The following FOXP1 variants were observed in gnomAD, a reference collection of about 807,000 sequenced individuals.
FOXP1 encodes forkhead box P1.
A neutral mutation model predicts 98.2 loss-of-function variants in FOXP1; 15 were observed. The ratio of observed to expected loss-of-function variants is 0.15; its 90% CI spans 0.10 to 0.24. FOXP1 has a LOEUF of 0.24. Ranked by LOEUF, FOXP1 falls within the 10% of genes least tolerant of loss-of-function variation. FOXP1 has a pLI of 1.00. For synonymous variants in FOXP1, 371 were observed against 314.5 expected (o/e 1.18, Z -1.90); for missense variants, 633 against 848.5 (o/e 0.75, Z 3.15).
intron 4 of FOXP1, among the ~76,000 whole-genome samples, chr3:71,311,795 A>G (rs2074702617): frequency 6.6e-6 from 1 of 152,172 alleles, no homozygotes; most frequent in Non-Finnish European, 1.5e-5. Flanking sequence ...GTAGAAACTT[A>G]CCTTTTGGCC....
At chr3:70,985,856 G>A (rs922472781) in intron 14 of FOXP1, among the ~76,000 whole-genome samples, 6 of 151,994 alleles carry the variant, frequency 3.9e-5, no homozygotes, top group African/African-American at 1.5e-4. Context: ...GGTTTGACTT[G>A]GACTCTAAAT....
At chr3:71,550,184 G>T (rs2045668088) in intron 2 of FOXP1, among the ~76,000 whole-genome samples, 1 of 152,126 alleles carries the variant, frequency 6.6e-6, no homozygotes, top group South Asian at 2.1e-4. Context: ...GGGAGAGGAG[G>T]AAGCCTGTGG....
chr3:71,134,728 T>C (rs543094543), intron 6 of FOXP1, among the ~76,000 whole-genome samples: 233 of 152,264 alleles, frequency 1.5e-3, no homozygotes, highest in African/African-American at 5.3e-3. Flanking sequence ...ATGCTGTATA[T>C]TAACTTCTGA....
At chr3:71,177,560 C>T (rs529336497) in intron 6 of FOXP1, among the ~76,000 whole-genome samples, 1 of 152,264 alleles carries the variant, frequency 6.6e-6, no homozygotes, top group East Asian at 1.9e-4. Context: ...AGCTCAGGCT[C>T]TGGAGTCGGG....
At chr3:71,141,266 CAAA>C (rs71621921) in intron 6 of FOXP1, among the ~76,000 whole-genome samples, 1 of 71,836 alleles carries the variant, frequency 1.4e-5, no homozygotes, top group Non-Finnish European at 3.0e-5. Context: ...GACTCTGTCT[CAAA>C]AAAAAAAAAA....
At chr3:71,252,549 T>TA (rs57325032) in intron 5 of FOXP1, among the ~76,000 whole-genome samples, 18,076 of 133,652 alleles carry the variant, frequency 0.14, 1,306 homozygotes, top group East Asian at 0.41. Context: ...TCTTAGTCCT[T>TA]AGAGTATCCC....
chr3:71,080,161 T>TA (rs1411649720), intron 7 of FOXP1, among the ~76,000 whole-genome samples: 1 of 152,192 alleles, frequency 6.6e-6, no homozygotes, highest in Non-Finnish European at 1.5e-5. Flanking sequence ...ATTTCCAAAT[T>TA]AAAACCTGGC....
chr3:71,398,989 T>G (rs2081758220), intron 3 of FOXP1, among the ~76,000 whole-genome samples: 1 of 152,214 alleles, frequency 6.6e-6, no homozygotes, highest in South Asian at 2.1e-4. Flanking sequence ...AGCTATTTTA[T>G]TCCCCTATCT....
rs187794652 is a variant in FOXP1, at chr3:71,181,833, C to T, written c.180+16369G>A. On this transcript the variant is annotated intron_variant, in intron 6 of 20. Coordinates refer to ENST00000649528, the MANE Select transcript of FOXP1 (RefSeq NM_001349338.3). ...GGATGATGAGGTCAGGAGATCAAGACTATCCTGGCTAACATGGTGAAACCC... is the reference window on the plus strand; with the variant it reads ...GGATGATGAGGTCAGGAGATCAAGATTATCCTGGCTAACATGGTGAAACCC... Among the ~76,000 whole-genome samples the T allele has an allele frequency of 1.4e-3, 213 of 152,092 alleles. 3 individuals are homozygous for T. Among genetic ancestry groups the T allele is most frequent in the Middle Eastern group, 6.8e-3 (2 of 294 alleles).
intron 4 of FOXP1, among the ~76,000 whole-genome samples, chr3:71,344,450 A>G (rs1264618141): frequency 6.6e-6 from 1 of 152,220 alleles, no homozygotes; most frequent in East Asian, 1.9e-4. Context: ...ACGACAAATA[A>G]TATGTCCACT....
At chr3:70,978,959 T>TA (rs1180297193) in intron 14 of FOXP1, among the ~76,000 whole-genome samples, 1 of 152,114 alleles carries the variant, frequency 6.6e-6, no homozygotes, top group African/African-American at 2.4e-5. Context: ...GAATATTACT[T>TA]ATTTGAAGTA....
chr3:71,173,964 G>A lies in FOXP1; in HGVS notation c.180+24238C>T, dbSNP rs894859014. 5.3e-5 allele frequency among the ~76,000 whole-genome samples: 8 copies of A among 152,154 alleles called. No individual in the cohort carries two copies. In the East Asian group the frequency reaches 1.5e-3, roughly 29 times the overall value. On this transcript the variant is annotated intron_variant, in intron 6 of 20. Transcript: ENST00000649528. ...AGTTACCAATCTTACAGTATCATGT[G>A]ATTAGCAGGGGAACTTTACCACCCT...
chr3:71,491,826 T>C (rs2091081575), intron 3 of FOXP1, among the ~76,000 whole-genome samples: 1 of 152,218 alleles, frequency 6.6e-6, no homozygotes, highest in Admixed American at 6.5e-5. Context: ...GAAGGATTTG[T>C]CAAAATGACC....
intron 3 of FOXP1, among the ~76,000 whole-genome samples, chr3:71,429,053 C>G (rs538783632): frequency 3.3e-5 from 5 of 152,314 alleles, no homozygotes; most frequent in African/African-American, 4.8e-5. Flanking sequence ...GTTATTACAG[C>G]CGGCAAGCAC....
rs757839555 is a variant in FOXP1 at position 70,959,227 on chromosome 3, G to C, written c.*20C>G. On this transcript the variant is annotated 3_prime_UTR_variant, in exon 21 of 21. Coordinates refer to ENST00000649528, the MANE Select transcript of FOXP1 (RefSeq NM_001349338.3). ...TTCCTTTTTCCAATCTTCATTCTCG[G>C]GGTTGGCCCGCCCCGATAGTCACTC... The C allele has an allele frequency of 1.2e-6, 2 of 1,612,598 alleles. No homozygotes were observed. The highest frequency in any genetic ancestry group is 4.5e-5 in the East Asian group (2 of 44,842).
chr3:71,203,326 G>T (rs1271993051), intron 5 of FOXP1, among the ~76,000 whole-genome samples: 1 of 152,176 alleles, frequency 6.6e-6, no homozygotes, highest in Non-Finnish European at 1.5e-5. Context: ...TCAAAGGTTC[G>T]ATTTTTGTGC....
rs139885147 is a variant in FOXP1, at chr3:71,325,214, G to A, written c.-72-25334C>T. On this transcript the variant is annotated intron_variant, in intron 4 of 20. Transcript: ENST00000649528. ...ATTACAGGCATAAACCACCACACCC[G>A]GATAATTTTTGTATTTTTAGTAGAA... Among the ~76,000 whole-genome samples, 757 of 152,046 alleles carry A rather than the reference G, an allele frequency of 5.0e-3. 5 individuals are homozygous for A. Among genetic ancestry groups the A allele is most frequent in the Non-Finnish European group, 7.5e-3 (507 of 67,984 alleles).
At chr3:71,255,818 T>G (rs962058650) in intron 5 of FOXP1, among the ~76,000 whole-genome samples, 1 of 152,174 alleles carries the variant, frequency 6.6e-6, no homozygotes, top group South Asian at 2.1e-4. Flanking sequence ...TTTTAGACGT[T>G]GGAAAATGGC....
chr3:71,521,118 G>T (rs371055585), intron 2 of FOXP1, among the ~76,000 whole-genome samples: 1 of 152,180 alleles, frequency 6.6e-6, no homozygotes, highest in Non-Finnish European at 1.5e-5. Flanking sequence ...GTGGTGTGGG[G>T]GAGGGGGTGT....
Sources: gnomAD v4.1 joint callset for allele counts (sites outside exome capture counted in the v4.1 genomes callset) on GRCh38, gnomAD v4.1.1 for gene constraint, MANE v1.5 for transcripts, NCBI Gene and HGNC (gene_info 2026-07-23, HGNC 2026-07-21) for gene names.